The following MEF2B variants were observed in gnomAD, a reference collection of about 807,000 sequenced individuals.
MEF2B encodes the protein myocyte-specific enhancer factor 2B.
A neutral mutation model predicts 32.2 loss-of-function variants in MEF2B; 15 were observed. That is an observed-to-expected ratio of 0.47 (90% confidence interval 0.31 to 0.72). The LOEUF is 0.72. Among genes scored for constraint, MEF2B ranks in the 30% least tolerant of loss-of-function variants. The probability of loss-of-function intolerance (pLI) is 0.05; values close to 1 mark genes in which losing one functional copy is unlikely to be tolerated. For missense variants in MEF2B, 441 were observed against 511.5 expected (o/e 0.86, Z 1.33); for synonymous variants, 205 against 225.6 (o/e 0.91, Z 0.82).
chr19:19,147,891 G>A (rs566682734), intron 3 of MEF2B, 59 bp from the exon 4 acceptor site: 167 of 1,568,784 alleles, frequency 1.1e-4, no homozygotes, highest in Non-Finnish European at 1.4e-4. Context: ...AGGGAACCCA[G>A]TTCTATGGGA....
intron 1 of MEF2B, among the ~76,000 whole-genome samples, chr19:19,160,705 G>C (rs892275446): frequency 6.6e-6 from 1 of 152,080 alleles, no homozygotes; most frequent in Non-Finnish European, 1.5e-5. Flanking sequence ...CAGCGAATCA[G>C]GCCTGCCGCC....
At chr19:19,154,997 G>A (rs965016990) in intron 1 of MEF2B, among the ~76,000 whole-genome samples, 1 of 152,164 alleles carries the variant, frequency 6.6e-6, no homozygotes, top group African/African-American at 2.4e-5. Flanking sequence ...AACTCTGGAG[G>A]CAGGCCTGAC....
intron 1 of MEF2B, among the ~76,000 whole-genome samples, chr19:19,163,808 T>A (rs959969536): frequency 6.6e-6 from 1 of 150,576 alleles, no homozygotes; most frequent in African/African-American, 2.4e-5. Context: ...CGCCTGCCCC[T>A]CCACATGGCT....
rs2146350329 is a variant in MEF2B at position 19,146,585 on chromosome 19, T to C, written c.739A>G (p.Ser247Gly). ...GGGCCTCCGGGGAGGAAGGGGAAGC[T>C]CCCCAGTGGGGGTCCGGGAGTTGCA... ...STATPGPPLG[S>G]FPFLPGGPPE... The change falls in exon 7 of 9, where the codon AGC becomes GGC. Residue 247 changes from serine to glycine, a missense_variant. Coordinates refer to ENST00000424583, the MANE Select transcript of MEF2B (RefSeq NM_001145785.2). 6.3e-7 allele frequency: 1 copy of C among 1,594,250 alleles called. No individual in the cohort carries two copies. Among genetic ancestry groups the C allele is most frequent in the Non-Finnish European group, 8.5e-7 (1 of 1,172,396 alleles).
chr19:19,156,019 G>T (rs1001152569), intron 1 of MEF2B, among the ~76,000 whole-genome samples: 1 of 152,214 alleles, frequency 6.6e-6, no homozygotes, highest in East Asian at 1.9e-4. Flanking sequence ...TGGGGGAGGA[G>T]GCATGTAGTT....
intron 1 of MEF2B, among the ~76,000 whole-genome samples, chr19:19,167,738 G>C (rs2060220995): frequency 6.6e-6 from 1 of 152,170 alleles, no homozygotes; most frequent in South Asian, 2.1e-4. Context: ...GGTTCAGCTT[G>C]CTCCGCTCAC....
Position 19,161,942 on chromosome 19 carries a change from G to A in MEF2B, c.-30+8263C>T, listed in dbSNP as rs142024585. Among the ~76,000 whole-genome samples, 381 of 151,782 alleles carry A rather than the reference G, an allele frequency of 2.5e-3. 1 individual carries two copies. Among genetic ancestry groups the A allele is most frequent in the Non-Finnish European group, 4.1e-3 (279 of 67,916 alleles). On this transcript the variant is annotated intron_variant, in intron 1 of 8. Transcript: ENST00000424583. ...CCTGCCTCAGCCTCCCCAGTAGCTGGGATTACAGCCATGCGCTACCACACC... is the reference window on the plus strand; with the variant it reads ...CCTGCCTCAGCCTCCCCAGTAGCTGAGATTACAGCCATGCGCTACCACACC...
rs2146349486 is a variant in MEF2B, at chr19:19,146,278, C to G, written c.876G>C (p.Gln292His). The part of the protein sequence containing the change: ...RGDGPPAVSS[Q>H]PSGGRSLGEE... ...CGTCGTCTCAGGGCACTTACCTGGG[C>G]TGGGAGGACACGGCGGGGGGCCCAT... Residue 292 changes from glutamine (Q) to histidine (H), a missense_variant, in exon 8 of 9, where the codon CAG becomes CAC. This residue lies in a region of MEF2B where 326 missense variants were observed against 328.4 expected (regional missense o/e 0.99). Coordinates refer to ENST00000424583, the MANE Select transcript of MEF2B (RefSeq NM_001145785.2). The G allele has an allele frequency of 7.5e-7, 1 of 1,327,370 alleles. No individual in the cohort carries two copies. Among genetic ancestry groups the G allele is most frequent in the Non-Finnish European group, 9.7e-7 (1 of 1,030,300 alleles). 82.2% of individuals were successfully genotyped at this position (1,327,370 alleles called of 1,614,324 possible). A position where few individuals can be genotyped will look rare whatever the true frequency, so the allele number is the denominator to read the frequency against.
chr19:19,153,671 G>A (rs1649256077), intron 1 of MEF2B, among the ~76,000 whole-genome samples: 2 of 152,096 alleles, frequency 1.3e-5, no homozygotes, highest in Non-Finnish European at 2.9e-5. Flanking sequence ...TGGCCAGGCT[G>A]GTCTTGAACT....
At chr19:19,149,948 G>A (rs183086707) in intron 2 of MEF2B, among the ~76,000 whole-genome samples, 4 of 151,694 alleles carry the variant, frequency 2.6e-5, no homozygotes, top group Admixed American at 1.3e-4. Context: ...AGCCAGGCGT[G>A]GTGGTGGGCG....
intron 1 of MEF2B, among the ~76,000 whole-genome samples, chr19:19,165,175 C>A (rs1160696283): frequency 1.3e-5 from 2 of 152,110 alleles, no homozygotes; most frequent in Non-Finnish European, 1.5e-5. Context: ...CCCCCCATCA[C>A]CCAGTCTGAT....
chr19:19,155,215 C>T (rs1156390369), intron 1 of MEF2B, among the ~76,000 whole-genome samples: 1 of 152,202 alleles, frequency 6.6e-6, no homozygotes, highest in Admixed American at 6.5e-5. Context: ...AAGTCTTCTT[C>T]CCAAATCAGC....
chr19:19,155,001 G>T (rs1027803911), intron 1 of MEF2B, among the ~76,000 whole-genome samples: 1 of 152,140 alleles, frequency 6.6e-6, no homozygotes, highest in East Asian at 1.9e-4. Context: ...CTGGAGGCAG[G>T]CCTGACAGGT....
chr19:19,146,671 G>C, intron 6 of MEF2B, 23 bp from the exon 7 acceptor site: 1 of 1,613,458 alleles, frequency 6.2e-7, no homozygotes, highest in African/African-American at 1.3e-5. Flanking sequence ...AGGGTGAAGG[G>C]GAAACTGAGG....
intron 1 of MEF2B, among the ~76,000 whole-genome samples, chr19:19,162,530 A>G (rs1377672440): frequency 6.6e-6 from 1 of 152,172 alleles, no homozygotes; most frequent in Non-Finnish European, 1.5e-5. Flanking sequence ...GTTTGAATCC[A>G]GGATTCTTAG....
chr19:19,155,903 CAG>C (rs1568550405), intron 1 of MEF2B, among the ~76,000 whole-genome samples: 1 of 152,208 alleles, frequency 6.6e-6, no homozygotes, highest in African/African-American at 2.4e-5. Flanking sequence ...AGCCAGAAAT[CAG>C]AGAGCTGTGG....
At chr19:19,161,783 C>T (rs1302010919) in intron 1 of MEF2B, among the ~76,000 whole-genome samples, 4 of 150,580 alleles carry the variant, frequency 2.7e-5, no homozygotes, top group Non-Finnish European at 3.0e-5. Flanking sequence ...GCAGTGATAC[C>T]ACCCACACTC....
rs543146043 is a variant in MEF2B at position 19,170,169 on chromosome 19, G to C, written c.-30+36C>G. The C allele has an allele frequency of 1.0e-5, 4 of 398,650 alleles. No homozygotes were observed. The East Asian group carries it at 1.4e-4, about 14-fold the overall frequency. The allele number at this position is 398,650 out of a possible 1,614,324, so 24.7% of individuals were successfully genotyped here. ...CCCAGCCCGCAGAAGCCGTTCAGAG[G>C]ACACCACAGGAGTCTCAACCCGATA... On this transcript the variant is annotated intron_variant, in intron 1 of 8. Coordinates refer to ENST00000424583, the MANE Select transcript of MEF2B (RefSeq NM_001145785.2).
intron 1 of MEF2B, among the ~76,000 whole-genome samples, chr19:19,166,859 T>C (rs1224735798): frequency 2.0e-5 from 3 of 151,824 alleles, no homozygotes; most frequent in East Asian, 1.9e-4. Flanking sequence ...AGCCCAGGAG[T>C]TCGAGACCAG....
Sources: allele counts gnomAD v4.1 joint callset (sites outside exome capture counted in the v4.1 genomes callset), GRCh38; gene constraint gnomAD v4.1.1; regional missense constraint gnomAD v4.1.1; transcripts MANE v1.5; gene names NCBI Gene and HGNC (gene_info 2026-07-23, HGNC 2026-07-21).